Variants in PLCXD3 observed in about 807,000 individuals in gnomAD.
PLCXD3 encodes PI-PLC X domain-containing protein 3.
PLCXD3 carries 19 observed loss-of-function variants against 25.5 expected under a neutral mutation model. The ratio of observed to expected loss-of-function variants is 0.75; its 90% CI spans 0.52 to 1.09. The LOEUF is 1.09. PLCXD3 is among the 50% of genes least tolerant of loss of function. The pLI, the probability that PLCXD3 is intolerant of heterozygous loss-of-function variation, is 0.00. For missense variants in PLCXD3, 411 were observed against 388.1 expected, an observed-to-expected ratio of 1.06 and a Z score of -0.50; for synonymous variants, 174 against 137.6, an observed-to-expected ratio of 1.26 and a Z score of -1.85.
At chr5:41,395,067 T>C (rs1354683773) in intron 1 of PLCXD3, among the ~76,000 whole-genome samples, 2 of 152,166 alleles carry the variant, frequency 1.3e-5, no homozygotes, top group Non-Finnish European at 2.9e-5. Context: ...ATATATCATA[T>C]ATTAGGTCAT....
intron 1 of PLCXD3, among the ~76,000 whole-genome samples, chr5:41,502,237 T>C (rs1748966443): frequency 2.0e-5 from 3 of 152,090 alleles, no homozygotes; most frequent in South Asian, 2.1e-4. Context: ...GTATAAGAAA[T>C]AGATGCATTG....
intron 2 of PLCXD3, among the ~76,000 whole-genome samples, chr5:41,330,320 CT>C (rs1743758518): frequency 6.6e-6 from 1 of 152,170 alleles, no homozygotes; most frequent in Non-Finnish European, 1.5e-5. Context: ...ACAAACACCT[CT>C]ACGCAAATAA....
At chr5:41,345,625 A>G (rs1744275334) in intron 2 of PLCXD3, among the ~76,000 whole-genome samples, 1 of 151,890 alleles carries the variant, frequency 6.6e-6, no homozygotes, top group African/African-American at 2.4e-5. Context: ...TATCTTGGTA[A>G]GTGTCCAATT....
At chr5:41,362,522 CA>C (rs1341956149) in intron 2 of PLCXD3, among the ~76,000 whole-genome samples, 1 of 151,954 alleles carries the variant, frequency 6.6e-6, no homozygotes, top group African/African-American at 2.4e-5. Context: ...TATAGTCATG[CA>C]AAAAATATTA....
At chr5:41,509,616 A>G (rs1385909180) in intron 1 of PLCXD3, among the ~76,000 whole-genome samples, 1 of 152,082 alleles carries the variant, frequency 6.6e-6, no homozygotes, top group Non-Finnish European at 1.5e-5. Context: ...CCTTTTCCGT[A>G]CTATTTGCCT....
rs1038274469 is a variant in PLCXD3 at position 41,493,933 on chromosome 5, G to A, written c.103+16491C>T. On this transcript the variant is annotated intron_variant, in intron 1 of 2. Transcript: ENST00000377801. ...CCCTGCTTCGGCTCGCGCACAGTGC[G>A]CTGCACCCACTGTCCTGCGCCCACT... Among the ~76,000 whole-genome samples, 9 of 152,166 alleles carry A rather than the reference G, an allele frequency of 5.9e-5. No individual in the cohort carries two copies. In the South Asian group the frequency reaches 6.2e-4, roughly 11 times the overall value.
At chr5:41,440,081 T>C (rs901565276) in intron 1 of PLCXD3, among the ~76,000 whole-genome samples, 1 of 152,102 alleles carries the variant, frequency 6.6e-6, no homozygotes, top group Non-Finnish European at 1.5e-5. Context: ...TGGCCATTTA[T>C]AGAGTAGTTG....
intron 2 of PLCXD3, among the ~76,000 whole-genome samples, chr5:41,346,377 T>G (rs1744303086): frequency 6.6e-6 from 1 of 152,214 alleles, no homozygotes; most frequent in South Asian, 2.1e-4. Context: ...TAGGGTTCAC[T>G]CTGTGTTGCA....
rs73750128 is a variant in PLCXD3, at chr5:41,311,348, T to G, written c.*2269A>C. ...TGGAAAGAAGAGAAGAAATATATTT[T>G]AAAAATAATTAAGTCCTACACTAGA... On this transcript the variant is annotated 3_prime_UTR_variant, in exon 3 of 3. Coordinates refer to ENST00000377801, the MANE Select transcript of PLCXD3 (RefSeq NM_001005473.3). The G allele has an allele frequency of 5.3e-5, 8 of 152,248 alleles. No homozygotes were observed. The highest frequency in any genetic ancestry group is 1.9e-4 in the African/African-American group (8 of 41,552). The allele number at this position is 152,248 out of a possible 1,614,324, so 9.4% of individuals were successfully genotyped here.
intron 1 of PLCXD3, among the ~76,000 whole-genome samples, chr5:41,395,621 A>C (rs959386828): frequency 6.6e-6 from 1 of 152,128 alleles, no homozygotes; most frequent in Admixed American, 6.5e-5. Flanking sequence ...TAACAAAGGA[A>C]ACATTATAAT....
intron 2 of PLCXD3, among the ~76,000 whole-genome samples, chr5:41,357,078 A>G (rs1475766275): frequency 6.6e-6 from 1 of 152,242 alleles, no homozygotes; most frequent in African/African-American, 2.4e-5. Context: ...AGATGGGCAT[A>G]TGCTTACTTG....
intron 1 of PLCXD3, among the ~76,000 whole-genome samples, chr5:41,387,068 C>A (rs993298452): frequency 1.3e-5 from 2 of 152,008 alleles, no homozygotes; most frequent in East Asian, 1.9e-4. Context: ...TATAAATAAA[C>A]CTTGTGTTTT....
At chr5:41,395,308 A>G (rs1745968598) in intron 1 of PLCXD3, among the ~76,000 whole-genome samples, 2 of 152,128 alleles carry the variant, frequency 1.3e-5, no homozygotes, top group Admixed American at 6.6e-5. Flanking sequence ...ACCAAAACCT[A>G]TGGGATACAG....
intron 2 of PLCXD3, among the ~76,000 whole-genome samples, chr5:41,380,523 A>G (rs577153737): frequency 2.6e-5 from 4 of 152,230 alleles, no homozygotes; most frequent in East Asian, 3.9e-4. Flanking sequence ...CCCATTGCTC[A>G]CAGGATGAGG....
chr5:41,401,588 A>G (rs1441943399), intron 1 of PLCXD3, among the ~76,000 whole-genome samples: 1 of 152,018 alleles, frequency 6.6e-6, no homozygotes, highest in Admixed American at 6.6e-5. Flanking sequence ...AACTATTATG[A>G]TAGGCAGCCT....
chr5:41,320,498 T>A (rs1204763796), intron 2 of PLCXD3, among the ~76,000 whole-genome samples: 1 of 152,210 alleles, frequency 6.6e-6, no homozygotes, highest in Non-Finnish European at 1.5e-5. Context: ...TTTGGTTTTT[T>A]AATTTTTTAA....
intron 1 of PLCXD3, among the ~76,000 whole-genome samples, chr5:41,509,649 G>T (rs1738987036): frequency 6.6e-6 from 1 of 152,218 alleles, no homozygotes; most frequent in South Asian, 2.1e-4. Context: ...CCTCCGCTCA[G>T]GTCACGCAGG....
At chr5:41,348,025 T>G (rs1580315924) in intron 2 of PLCXD3, among the ~76,000 whole-genome samples, 1 of 152,224 alleles carries the variant, frequency 6.6e-6, no homozygotes, top group Non-Finnish European at 1.5e-5. Context: ...TTTAGAGATG[T>G]TCTCTGGCAG....
chr5:41,397,189 C>T (rs1746032958), intron 1 of PLCXD3, among the ~76,000 whole-genome samples: 1 of 152,140 alleles, frequency 6.6e-6, no homozygotes, highest in Non-Finnish European at 1.5e-5. Flanking sequence ...GGCAGCCCCT[C>T]CTATCACAGG....
Sources: allele counts gnomAD v4.1 joint callset (sites outside exome capture counted in the v4.1 genomes callset), GRCh38; gene constraint gnomAD v4.1.1; transcripts MANE v1.5; gene names NCBI Gene and HGNC (gene_info 2026-07-23, HGNC 2026-07-21).